The following TCF12 variants were observed in gnomAD, a reference collection of about 807,000 sequenced individuals.
The protein encoded by TCF12 is DNA-binding protein HTF4.
TCF12 carries 45 observed loss-of-function variants against 86.0 expected under a neutral mutation model. The ratio of observed to expected loss-of-function variants is 0.52; its 90% CI spans 0.41 to 0.67. The LOEUF (loss-of-function observed/expected upper bound fraction) is 0.67. TCF12 is among the 30% of genes least tolerant of loss of function. The pLI is 0.00. For missense variants in TCF12, 881 were observed against 859.9 expected (o/e 1.02, Z -0.31); for synonymous variants, 330 against 299.6 (o/e 1.10, Z -1.05).
chr15:57,262,035 A>T, intron 16 of TCF12, 59 bp from the exon 17 acceptor site: 1 of 1,127,842 alleles, frequency 8.9e-7, no homozygotes, highest in South Asian at 1.5e-5. Flanking sequence ...TAATTTGGAC[A>T]GTTATTGCCT....
intron 12 of TCF12, among the ~76,000 whole-genome samples, chr15:57,239,273 C>T (rs956768059): frequency 6.6e-6 from 1 of 152,048 alleles, no homozygotes; most frequent in Non-Finnish European, 1.5e-5. Flanking sequence ...ATCGCTTGAA[C>T]CCAGGAAGCA....
At chr15:57,165,332 A>G (rs2054806751) in intron 5 of TCF12, among the ~76,000 whole-genome samples, 1 of 152,228 alleles carries the variant, frequency 6.6e-6, no homozygotes, top group South Asian at 2.1e-4. Context: ...ACACAGCTCA[A>G]AAACATAATA....
At chr15:57,133,586 G>A (rs1417835030) in intron 5 of TCF12, among the ~76,000 whole-genome samples, 1 of 151,430 alleles carries the variant, frequency 6.6e-6, no homozygotes, top group African/African-American at 2.4e-5. Flanking sequence ...TGATTGGTTT[G>A]GTCATGTGGA....
chr15:56,951,187 C>T (rs567707049), intron 3 of TCF12, among the ~76,000 whole-genome samples: 2 of 152,154 alleles, frequency 1.3e-5, no homozygotes, highest in South Asian at 4.1e-4. Flanking sequence ...AATTTCAGTT[C>T]CTCTATATAC....
intron 13 of TCF12, among the ~76,000 whole-genome samples, chr15:57,250,090 A>G (rs2060038207): frequency 6.6e-6 from 1 of 152,156 alleles, no homozygotes; most frequent in Non-Finnish European, 1.5e-5. Context: ...CAAAGGCTAA[A>G]CAACATCTAA....
chr15:56,979,519 G>A (rs2140866443), intron 3 of TCF12, among the ~76,000 whole-genome samples: 1 of 152,260 alleles, frequency 6.6e-6, no homozygotes, highest in Middle Eastern at 3.4e-3. Context: ...AACTATGGAA[G>A]GCAAACATTC....
At chr15:57,065,377 A>C (rs1321288917) in intron 4 of TCF12, among the ~76,000 whole-genome samples, 1 of 152,158 alleles carries the variant, frequency 6.6e-6, no homozygotes, top group Non-Finnish European at 1.5e-5. Context: ...TTGATACCCA[A>C]ATTTCCTTCC....
chr15:56,974,467 T>A (rs1223550901), intron 3 of TCF12, among the ~76,000 whole-genome samples: 1 of 152,074 alleles, frequency 6.6e-6, no homozygotes, highest in African/African-American at 2.4e-5. Flanking sequence ...CAAAATAAAA[T>A]TTTAAAAATA....
chr15:57,187,786 C>T (rs547868430), intron 6 of TCF12, among the ~76,000 whole-genome samples: 2 of 152,054 alleles, frequency 1.3e-5, no homozygotes, highest in African/African-American at 4.8e-5. Flanking sequence ...AAAAATTAGC[C>T]GGACATGGTG....
intron 5 of TCF12, among the ~76,000 whole-genome samples, chr15:57,102,563 A>G (rs1276370527): frequency 2.0e-5 from 3 of 151,586 alleles, no homozygotes; most frequent in Admixed American, 1.3e-4. Context: ...GCATGACTGC[A>G]CTCCAGCTTG....
chr15:57,151,984 G>T (rs1414553058), intron 5 of TCF12, among the ~76,000 whole-genome samples: 3 of 152,134 alleles, frequency 2.0e-5, no homozygotes, highest in Non-Finnish European at 4.4e-5. Context: ...CAGGTTTATA[G>T]CATCTGTTAT....
intron 3 of TCF12, among the ~76,000 whole-genome samples, chr15:57,039,092 C>T (rs1288461189): frequency 6.6e-6 from 1 of 152,106 alleles, no homozygotes; most frequent in African/African-American, 2.4e-5. Context: ...ATCTCCATTC[C>T]GTACCATTAA....
At chr15:57,162,123 A>T (rs1434373069) in intron 5 of TCF12, among the ~76,000 whole-genome samples, 1 of 152,106 alleles carries the variant, frequency 6.6e-6, no homozygotes, top group Non-Finnish European at 1.5e-5. Flanking sequence ...TAATTTTTTC[A>T]TAGGTGCTTC....
chr15:56,942,266 TTG>T (rs1364679554), intron 3 of TCF12, among the ~76,000 whole-genome samples: 4 of 152,228 alleles, frequency 2.6e-5, no homozygotes, highest in Non-Finnish European at 5.9e-5. Flanking sequence ...AAAGCTATGT[TTG>T]TAAACACATT....
At chr15:57,068,664 A>G (rs980645831) in intron 4 of TCF12, among the ~76,000 whole-genome samples, 2 of 152,148 alleles carry the variant, frequency 1.3e-5, no homozygotes, top group Non-Finnish European at 2.9e-5. Flanking sequence ...CAGATTTACT[A>G]GATTAACTAG....
chr15:57,070,544 C>G (rs553227569), intron 4 of TCF12, among the ~76,000 whole-genome samples: 1 of 152,250 alleles, frequency 6.6e-6, no homozygotes, highest in South Asian at 2.1e-4. Context: ...TAAAATCAGC[C>G]TATAAGATTA....
intron 16 of TCF12, among the ~76,000 whole-genome samples, chr15:57,253,684 A>T (rs1302459866): frequency 6.6e-6 from 1 of 152,190 alleles, no homozygotes; most frequent in Non-Finnish European, 1.5e-5. Flanking sequence ...TTCTACAGAG[A>T]TCATTTTTAG....
intron 5 of TCF12, among the ~76,000 whole-genome samples, chr15:57,120,906 A>G (rs2051182424): frequency 6.6e-6 from 1 of 152,194 alleles, no homozygotes; most frequent in Non-Finnish European, 1.5e-5. Context: ...ACTTGGACCC[A>G]GGAGATTGAG....
chr15:57,052,013 T>C (rs1281031135), intron 3 of TCF12, among the ~76,000 whole-genome samples: 1 of 152,246 alleles, frequency 6.6e-6, no homozygotes, highest in Admixed American at 6.5e-5. Flanking sequence ...CATGACTTTA[T>C]GTCTGGACCA....
Sources: gnomAD v4.1 joint callset for allele counts (sites outside exome capture counted in the v4.1 genomes callset) on GRCh38, gnomAD v4.1.1 for gene constraint, MANE v1.5 for transcripts, NCBI Gene and HGNC (gene_info 2026-07-23, HGNC 2026-07-21) for gene names.